The following SYNPO2L variants were observed in gnomAD, a reference collection of about 807,000 sequenced individuals.
The protein encoded by SYNPO2L is synaptopodin 2 like, also known as synaptopodin 2-like protein.
In SYNPO2L, 34 loss-of-function variants were observed where a neutral mutation model predicts 47.5. The ratio of observed to expected loss-of-function variants is 0.72; its 90% CI spans 0.54 to 0.95. SYNPO2L has a LOEUF of 0.95. SYNPO2L is among the 40% of genes least tolerant of loss of function. The probability of loss-of-function intolerance (pLI) is 0.00; values close to 1 mark genes in which losing one functional copy is unlikely to be tolerated. For synonymous variants in SYNPO2L, 536 were observed against 524.9 expected (o/e 1.02, Z -0.29); for missense variants, 1,246 against 1,282.0 (o/e 0.97, Z 0.43).
At position 73,655,948 on chromosome 10, in the gene SYNPO2L, G is replaced by C; in HGVS notation, c.-26C>G. On this transcript the variant is annotated 5_prime_UTR_variant, in exon 1 of 4. Coordinates refer to ENST00000394810, the MANE Select transcript of SYNPO2L (RefSeq NM_001114133.3). ...CGCTCAGCTTGGCCTATGGCCCCCG[G>C]AGTTTGAACAGTGTCCCCAGGAGAG... 1 of 1,537,730 alleles carries C rather than the reference G, an allele frequency of 6.5e-7. No individual in the cohort carries two copies. The highest frequency in any genetic ancestry group is 8.8e-7 in the Non-Finnish European group (1 of 1,138,980).
intron 3 of SYNPO2L, 113 bp from the exon 4 acceptor site, chr10:73,648,992 C>G: frequency 1.5e-6 from 2 of 1,342,834 alleles, no homozygotes; most frequent in Non-Finnish European, 1.9e-6. Flanking sequence ...CTGACCCGAC[C>G]CACAATGTCC....
Position 73,645,883 on chromosome 10 carries a change from G to A in SYNPO2L, c.*835C>T. The A allele has an allele frequency of 1.0e-6, 1 of 975,986 alleles. No individual in the cohort carries two copies. Among genetic ancestry groups the A allele is most frequent in the Non-Finnish European group, 1.2e-6 (1 of 820,976 alleles). The allele number at this position is 975,986 out of a possible 1,614,324, so 60.5% of individuals were successfully genotyped here. ...TCCGTCGCCCAGGCTGGAGTGCAGT[G>A]GCGCAATCTCAGCTCACTGCAAGCT... On this transcript the variant is annotated 3_prime_UTR_variant, in exon 4 of 4. Coordinates refer to ENST00000394810, the MANE Select transcript of SYNPO2L (RefSeq NM_001114133.3).
rs2132413991 is a variant in SYNPO2L at position 73,645,701 on chromosome 10, C to T, written c.*1017G>A. On this transcript the variant is annotated 3_prime_UTR_variant, in exon 4 of 4. Transcript: ENST00000394810. ...TCCATAACTTTCACAAGATGCTGTACACCTGCTACAGACATTGGTCTCTAA... is the reference window on the plus strand; with the variant it reads ...TCCATAACTTTCACAAGATGCTGTATACCTGCTACAGACATTGGTCTCTAA... 1.0e-6 allele frequency: 1 copy of T among 986,010 alleles called. No homozygotes were observed. Among genetic ancestry groups the T allele is most frequent in the Non-Finnish European group, 1.2e-6 (1 of 830,064 alleles). The allele number at this position is 986,010 out of a possible 1,614,324, so 61.1% of individuals were successfully genotyped here. A position where few individuals can be genotyped will look rare whatever the true frequency, so the allele number is the denominator to read the frequency against.
intron 1 of SYNPO2L, among the ~76,000 whole-genome samples, chr10:73,654,887 A>G (rs900750821): frequency 6.6e-6 from 1 of 152,146 alleles, no homozygotes; most frequent in Admixed American, 6.5e-5. Context: ...GATTATCTCC[A>G]CAAGCTTTTT....
Position 73,648,755 on chromosome 10 carries a change from CT to C in SYNPO2L, c.896del (p.Lys299ArgfsTer13). 1 of 1,612,326 alleles carries C rather than the reference CT, an allele frequency of 6.2e-7. No homozygotes were observed. The highest frequency in any genetic ancestry group is 1.1e-5 in the South Asian group (1 of 90,842). On this transcript the variant is annotated frameshift_variant, in exon 4 of 4. Coordinates refer to ENST00000394810, the MANE Select transcript of SYNPO2L (RefSeq NM_001114133.3). LOFTEE classifies it low-confidence loss of function (END_TRUNC). Reference protein sequence around the residue: ...NPHSKGVLMFKKRRQRAKKYT... With the variant: ...NPHSKGVLMFXKRRQRAKKYT... ...ACTTCTTGGCTCTCTGCCGCCGTTT[CT>C]TAAACATAAGTACCCCTTTGGAGTG...
Position 73,645,295 on chromosome 10 carries a change from C to T in SYNPO2L, c.*1423G>A. The T allele has an allele frequency of 9.2e-7, 1 of 1,086,224 alleles. No homozygotes were observed. Among genetic ancestry groups the T allele is most frequent in the Non-Finnish European group, 1.1e-6 (1 of 886,152 alleles). The allele number at this position is 1,086,224 out of a possible 1,614,324, so 67.3% of individuals were successfully genotyped here. On this transcript the variant is annotated 3_prime_UTR_variant, in exon 4 of 4. Transcript: ENST00000394810. ...CTTCTCCCTCAAATTTTTTTCCAATCCCCCTCTCACACACGGTTGGTTTCT... is the reference window on the plus strand; with the variant it reads ...CTTCTCCCTCAAATTTTTTTCCAATTCCCCTCTCACACACGGTTGGTTTCT...
rs558879882 is a variant in SYNPO2L, at chr10:73,653,428, G to A, written c.483C>T (p.Gly161=). 55 of 1,551,490 alleles carry A rather than the reference G, an allele frequency of 3.5e-5. No individual in the cohort carries two copies. The African/African-American group carries it at 6.6e-4, about 19-fold the overall frequency. Residue 161 remains glycine (G), a synonymous_variant, in exon 3 of 4, where the codon GGC becomes GGT. Coordinates refer to ENST00000394810, the MANE Select transcript of SYNPO2L (RefSeq NM_001114133.3). The part of the protein sequence containing the change: ...QEKPRRPRRR[G]PTRPTPPGAP... The stretch of plus-strand genomic sequence containing the variant: ...CACCCGGAGGGGTGGGCCTTGTGGG[G>A]CCTCGGCGGCGAGGTCGACGGGGCT...
Position 73,653,145 on chromosome 10 carries a change from G to A in SYNPO2L, c.766C>T (p.Gln256Ter), listed in dbSNP as rs767628965. The stretch of plus-strand genomic sequence containing the variant: ...AAGGGGTTCAGGCACTCACTGGCTT[G>A]CTTGGCCTTCTGGGTGTAGGTGGTA... ...LTTTYTQKAK[Q>*]AKLQRAESLQ... is the part of the protein sequence containing the mutation. Residue 256 changes from glutamine (Q) to a stop codon, truncating the protein, a stop_gained, in exon 3 of 4, where the codon CAA becomes TAA. Transcript: ENST00000394810. LOFTEE classifies it high-confidence loss of function. 1 of 1,447,826 alleles carries A rather than the reference G, an allele frequency of 6.9e-7. No individual in the cohort carries two copies. The highest frequency in any genetic ancestry group is 1.4e-5 in the African/African-American group (1 of 69,764). 89.7% of individuals were successfully genotyped at this position (1,447,826 alleles called of 1,614,324 possible). A position where few individuals can be genotyped will look rare whatever the true frequency, so the allele number is the denominator to read the frequency against.
chr10:73,647,007 G>A lies in SYNPO2L; in HGVS notation c.2645C>T (p.Ala882Val). 6.2e-7 allele frequency: 1 copy of A among 1,613,446 alleles called. No homozygotes were observed. Reference sequence around the variant, plus strand: ...AAACCGGCGAATCTCCTGGACTCGGGCAGTTTTGGGGGACCCTGAGGCGAT... The same window carrying A: ...AAACCGGCGAATCTCCTGGACTCGGACAGTTTTGGGGGACCCTGAGGCGAT... ...GPIASGSPKTARVQEIRRFST... is the reference protein window; with the variant it reads ...GPIASGSPKTVRVQEIRRFST... Residue 882 changes from alanine (A) to valine (V), a missense_variant, in exon 4 of 4, where the codon GCC (alanine) becomes GTC (valine). Physicochemically the swap from Ala to Val is moderately conservative, Grantham distance 64 (BLOSUM62 0). Transcript: ENST00000394810.
At chr10:73,649,445 C>T (rs1484695311) in intron 3 of SYNPO2L, among the ~76,000 whole-genome samples, 1 of 152,190 alleles carries the variant, frequency 6.6e-6, no homozygotes, top group Non-Finnish European at 1.5e-5. Context: ...ATTCCACCCT[C>T]CTCATGCAAT....
At position 73,646,026 on chromosome 10, in the gene SYNPO2L, G is replaced by T. The variant is rs1054378526; in HGVS notation, c.*692C>A. 9.6e-6 allele frequency: 9 copies of T among 937,210 alleles called. No homozygotes were observed. The Middle Eastern group carries it at 1.6e-3, about 168-fold the overall frequency. 58.1% of individuals were successfully genotyped at this position (937,210 alleles called of 1,614,324 possible). On this transcript the variant is annotated 3_prime_UTR_variant, in exon 4 of 4. Coordinates refer to ENST00000394810, the MANE Select transcript of SYNPO2L (RefSeq NM_001114133.3). Reference sequence around the variant, plus strand: ...TTTTTAGTGGAAATGGGGTTTCACCGTGTTAGCCAGGATGGTCTCGATCTC... The same window carrying T: ...TTTTTAGTGGAAATGGGGTTTCACCTTGTTAGCCAGGATGGTCTCGATCTC...
At position 73,648,638 on chromosome 10, in the gene SYNPO2L, T is replaced by G; in HGVS notation, c.1014A>C (p.Glu338Asp). The G allele has an allele frequency of 6.2e-7, 1 of 1,613,732 alleles. No individual in the cohort carries two copies. The highest frequency in any genetic ancestry group is 8.5e-7 in the Non-Finnish European group (1 of 1,179,638). ...PPTSESELDE[E>D]AFSDARSLTN... ...TGAGGCTGCGGGCGTCAGAGAAGGC[T>G]TCTTCGTCCAGCTCGGACTCACTCG... is the stretch of plus-strand genomic sequence containing the variant. Residue 338 changes from glutamate to aspartate, a missense_variant, in exon 4 of 4, where the codon GAA (glutamate) becomes GAC (aspartate). Coordinates refer to ENST00000394810, the MANE Select transcript of SYNPO2L (RefSeq NM_001114133.3).
chr10:73,651,563 G>A (rs1372660589), intron 3 of SYNPO2L, among the ~76,000 whole-genome samples: 1 of 152,154 alleles, frequency 6.6e-6, no homozygotes, highest in Non-Finnish European at 1.5e-5. Context: ...CAGGGAGAAC[G>A]TTTACCCTTA....
rs1332327517 is a variant in SYNPO2L at position 73,648,526 on chromosome 10, G to A, written c.1126C>T (p.Leu376=). The A allele has an allele frequency of 1.9e-6, 3 of 1,614,060 alleles. No homozygotes were observed. Among genetic ancestry groups the A allele is most frequent in the Non-Finnish European group, 2.5e-6 (3 of 1,179,994 alleles). The part of the protein sequence containing the change: ...SRASEGQGSG[L]GGQLSEVSGR... ...GAGACCTCACTCAGCTGCCCTCCCA[G>A]CCCAGAGCCCTGGCCCTCTGATGCT... Residue 376 remains leucine, a synonymous_variant, in exon 4 of 4, where the codon CTG becomes TTG. Coordinates refer to ENST00000394810, the MANE Select transcript of SYNPO2L (RefSeq NM_001114133.3).
Position 73,647,014 on chromosome 10 carries a change from TG to T in SYNPO2L, c.2637del (p.Thr881LeufsTer73). On this transcript the variant is annotated frameshift_variant, in exon 4 of 4. Transcript: ENST00000394810. LOFTEE classifies it high-confidence loss of function. ...CGAATCTCCTGGACTCGGGCAGTTT[TG>T]GGGGACCCTGAGGCGATAGGGCCAG... ...PTPGPIASGSPKTARVQEIRR... is the reference protein window; with the variant it reads ...PTPGPIASGSXKTARVQEIRR... The T allele has an allele frequency of 1.9e-6, 3 of 1,613,496 alleles. No homozygotes were observed. The highest frequency in any genetic ancestry group is 2.5e-6 in the Non-Finnish European group (3 of 1,179,548).
Position 73,648,285 on chromosome 10 carries a change from G to C in SYNPO2L, c.1367C>G (p.Ala456Gly). ...AAAGATGCTTGGAGCTGGGGTCGGG[G>C]CTCCACCACCTGGTTGGAAGGGTCT... ...SPRPFQPGGG[A>G]PTPAPSIFNR... is the part of the protein sequence containing the mutation. Residue 456 changes from alanine (A) to glycine (G), a missense_variant, in exon 4 of 4, where the codon GCC becomes GGC. Around this residue, in one of 3 missense-constraint regions of SYNPO2L, gnomAD observed 1,037 missense variants for 1,021.5 expected, o/e 1.02. Coordinates refer to ENST00000394810, the MANE Select transcript of SYNPO2L (RefSeq NM_001114133.3). 2 of 1,602,180 alleles carry C rather than the reference G, an allele frequency of 1.2e-6. No individual in the cohort carries two copies. The highest frequency in any genetic ancestry group is 1.7e-6 in the Non-Finnish European group (2 of 1,178,928).
chr10:73,654,435 T>G, intron 1 of SYNPO2L, 155 bp from the exon 2 acceptor site: 1 of 822,018 alleles, frequency 1.2e-6, no homozygotes. Context: ...AAGTGGCCTG[T>G]CTAGAGGGAA....
intron 3 of SYNPO2L, chr10:73,649,713 A>G (rs2081822730): frequency 2.0e-6 from 2 of 985,226 alleles, no homozygotes; most frequent in African/African-American, 3.5e-5. Context: ...ACCTCCCTGC[A>G]GAGACCCTGT....
rs775185487 is a variant in SYNPO2L, at chr10:73,647,979, G to A, written c.1673C>T (p.Pro558Leu). 6.5e-7 allele frequency: 1 copy of A among 1,544,582 alleles called. No homozygotes were observed. Among genetic ancestry groups the A allele is most frequent in the East Asian group, 2.3e-5 (1 of 44,212 alleles). The change falls in exon 4 of 4, where the codon CCT becomes CTT. Residue 558 changes from proline (P) to leucine (L), a missense_variant. Around this residue, in one of 3 missense-constraint regions of SYNPO2L, gnomAD observed 1,037 missense variants for 1,021.5 expected, o/e 1.02. Coordinates refer to ENST00000394810, the MANE Select transcript of SYNPO2L (RefSeq NM_001114133.3). ...SSLYIPAPSRPVTPGGAPEPP... is the reference protein window; with the variant it reads ...SSLYIPAPSRLVTPGGAPEPP... ...CTCTGGAGCTCCACCTGGGGTGACAGGCCGACTAGGGGCTGGGATGTACAG... is the reference window on the plus strand; with the variant it reads ...CTCTGGAGCTCCACCTGGGGTGACAAGCCGACTAGGGGCTGGGATGTACAG...
Sources: gnomAD v4.1 joint callset for allele counts (sites outside exome capture counted in the v4.1 genomes callset) on GRCh38, gnomAD v4.1.1 for gene constraint, gnomAD v4.1.1 regional missense constraint, MANE v1.5 for transcripts, NCBI Gene and HGNC (gene_info 2026-07-23, HGNC 2026-07-21) for gene names.